BPTF: variants seen among roughly 807,000 people sequenced by gnomAD.
BPTF encodes bromodomain PHD finger transcription factor.
Under a neutral mutation model 292.5 loss-of-function variants are expected in BPTF, and 18 were observed. That is an observed-to-expected ratio of 0.06 (90% CI 0.04 to 0.09). The LOEUF is 0.09. BPTF is among the 10% of genes least tolerant of loss of function. BPTF has a pLI of 1.00. For missense variants in BPTF, 2,726 were observed against 3,498.7 expected (o/e 0.78, Z 5.57); for synonymous variants, 1,225 against 1,251.9 (o/e 0.98, Z 0.45).
intron 2 of BPTF, among the ~76,000 whole-genome samples, chr17:67,863,473 A>G (rs1447022851): frequency 2.0e-5 from 3 of 152,090 alleles, no homozygotes; most frequent in African/African-American, 2.4e-5. Flanking sequence ...TTTAGTAGAG[A>G]TGGGGTTTCA....
At chr17:67,852,494 A>G (rs1015933913) in intron 1 of BPTF, among the ~76,000 whole-genome samples, 1 of 152,062 alleles carries the variant, frequency 6.6e-6, no homozygotes, top group Admixed American at 6.5e-5. Flanking sequence ...TTCAAATGAC[A>G]TTCTATTCAT....
intron 1 of BPTF, among the ~76,000 whole-genome samples, chr17:67,846,594 C>T (rs945300605): frequency 2.6e-5 from 4 of 152,196 alleles, no homozygotes; most frequent in Admixed American, 6.5e-5. Context: ...GCACAATAGG[C>T]ACTTGTTATT....
chr17:67,910,848 A>G (rs2062609987), intron 10 of BPTF, 29 bp from the exon 11 acceptor site: 8 of 1,438,918 alleles, frequency 5.6e-6, no homozygotes, highest in Non-Finnish European at 7.4e-6. Flanking sequence ...AGTAAAAATT[A>G]CATTTATATA....
intron 3 of BPTF, among the ~76,000 whole-genome samples, chr17:67,870,464 G>T (rs1292873323): frequency 6.6e-6 from 1 of 151,984 alleles, no homozygotes; most frequent in Non-Finnish European, 1.5e-5. Flanking sequence ...AATGAATTGA[G>T]CATTCAAATA....
chr17:67,918,658 G>T, intron 11 of BPTF, 56 bp from the exon 12 acceptor site: 1 of 1,492,476 alleles, frequency 6.7e-7, no homozygotes, highest in Non-Finnish European at 9.3e-7. Context: ...ATATGAATGT[G>T]TATGTGTATG....
At chr17:67,899,530 TTTC>T (rs1191455956) in intron 7 of BPTF, among the ~76,000 whole-genome samples, 116 of 147,102 alleles carry the variant, frequency 7.9e-4, no homozygotes, top group African/African-American at 2.8e-3. Context: ...CTGAGTTTTT[TTTC>T]TTTTTTTTTT....
intron 15 of BPTF, 136 bp downstream of exon 15, chr17:67,924,725 A>G (rs2063728232): frequency 1.1e-6 from 1 of 893,140 alleles, no homozygotes; most frequent in South Asian, 1.6e-5. Context: ...TTTTAGCCAA[A>G]TTCATGCACA....
chr17:67,980,984 C>T (rs543265319), intron 27 of BPTF, among the ~76,000 whole-genome samples: 1 of 152,214 alleles, frequency 6.6e-6, no homozygotes, highest in African/African-American at 2.4e-5. Flanking sequence ...ATGGGGAAAC[C>T]CCATCCCTAC....
In BPTF at chr17:67,983,497, G is replaced by A. The variant is rs781869146; in HGVS notation, c.*1209G>A. The A allele has an allele frequency of 6.6e-6, 1 of 152,582 alleles. No individual in the cohort carries two copies. The highest frequency in any genetic ancestry group is 1.5e-5 in the Non-Finnish European group (1 of 68,026). 9.5% of individuals were successfully genotyped at this position (152,582 alleles called of 1,614,324 possible). A position where few individuals can be genotyped will look rare whatever the true frequency, so the allele number is the denominator to read the frequency against. The stretch of plus-strand genomic sequence containing the variant: ...TTTTTTAGATGACCTCATCCTCTGT[G>A]TTATTTGTTGATTGGGTTTGTTTTC... On this transcript the variant is annotated 3_prime_UTR_variant, in exon 28 of 28. Transcript: ENST00000306378.
At position 67,909,626 on chromosome 17, in the gene BPTF, A is replaced by C. The variant is rs1313148106; in HGVS notation, c.2857A>C (p.Lys953Gln). Residue 953 changes from lysine to glutamine, a missense_variant, in exon 10 of 28, where the codon AAA becomes CAA. This residue lies in a region of BPTF where 713 missense variants were observed against 714.9 expected (regional missense o/e 1.00). Transcript: ENST00000306378. ...AAATATGGATGAGTCAGATAAAAGA[A>C]AATGTTCACGAAGTCCAAAAAAAAT... ...DENMDESDKR[K>Q]CSRSPKKIKI... The C allele has an allele frequency of 6.3e-7, 1 of 1,590,374 alleles. No homozygotes were observed. Among genetic ancestry groups the C allele is most frequent in the Admixed American group, 1.8e-5 (1 of 54,460 alleles).
In BPTF at chr17:67,911,153, G is replaced by T. The variant is rs866237695; in HGVS notation, c.3269G>T (p.Gly1090Val). ...EKIKLEGGIK[G>V]IGKTSTNSSK... Reference sequence around the variant, plus strand: ...ATCAAGTTGGAGGGTGGAATTAAGGGTATAGGAAAGACTTCTACAAATTCT... The same window carrying T: ...ATCAAGTTGGAGGGTGGAATTAAGGTTATAGGAAAGACTTCTACAAATTCT... Residue 1090 changes from glycine (G) to valine (V), a missense_variant, in exon 11 of 28, where the codon GGT becomes GTT. By Grantham distance (109) the Gly-to-Val change is moderately radical. Coordinates refer to ENST00000306378, the MANE Select transcript of BPTF (RefSeq NM_182641.4). 6.2e-7 allele frequency: 1 copy of T among 1,613,924 alleles called. No homozygotes were observed. Among genetic ancestry groups the T allele is most frequent in the African/African-American group, 1.3e-5 (1 of 75,034 alleles).
At position 67,912,929 on chromosome 17, in the gene BPTF, A is replaced by G. The variant is rs776118501; in HGVS notation, c.5045A>G (p.Tyr1682Cys). ...ACATCTATGACTGTGAGCAAAGAGT[A>G]TTCCACACGAGACAAAGTGAAACTG... ...LVTSMTVSKE[Y>C]STRDKVKLMK... The change falls in exon 11 of 28, where the codon TAT (tyrosine) becomes TGT (cysteine). Residue 1682 changes from tyrosine (Y) to cysteine (C), a missense_variant. By Grantham distance (194) the Tyr-to-Cys change is radical. Coordinates refer to ENST00000306378, the MANE Select transcript of BPTF (RefSeq NM_182641.4). 6.2e-7 allele frequency: 1 copy of G among 1,614,246 alleles called. No homozygotes were observed. Among genetic ancestry groups the G allele is most frequent in the South Asian group, 1.1e-5 (1 of 91,088 alleles).
chr17:67,909,162 A>G (rs1386686418), intron 9 of BPTF, among the ~76,000 whole-genome samples: 1 of 147,076 alleles, frequency 6.8e-6, no homozygotes, highest in Non-Finnish European at 1.5e-5. Context: ...CTTGTAGCTG[A>G]CTATGTTACT....
chr17:67,911,153 G>A lies in BPTF; in HGVS notation c.3269G>A (p.Gly1090Asp). 4 of 1,613,924 alleles carry A rather than the reference G, an allele frequency of 2.5e-6. No individual in the cohort carries two copies. Among genetic ancestry groups the A allele is most frequent in the Non-Finnish European group, 3.4e-6 (4 of 1,179,978 alleles). The part of the protein sequence containing the change: ...EKIKLEGGIK[G>D]IGKTSTNSSK... ...ATCAAGTTGGAGGGTGGAATTAAGG[G>A]TATAGGAAAGACTTCTACAAATTCT... The change falls in exon 11 of 28, where the codon GGT becomes GAT. Residue 1090 changes from glycine to aspartate, a missense_variant. By Grantham distance (94) the Gly-to-Asp change is moderately conservative (BLOSUM62 -1). Transcript: ENST00000306378.
At chr17:67,849,573 C>G (rs2058256152) in intron 1 of BPTF, among the ~76,000 whole-genome samples, 1 of 152,036 alleles carries the variant, frequency 6.6e-6, no homozygotes, top group Non-Finnish European at 1.5e-5. Flanking sequence ...GGAAAATAAC[C>G]TATCAGGATA....
chr17:67,894,151 T>G lies in BPTF; in HGVS notation c.2529T>G (p.Ser843=). 6.2e-7 allele frequency: 1 copy of G among 1,614,048 alleles called. No homozygotes were observed. Among genetic ancestry groups the G allele is most frequent in the Admixed American group, 1.7e-5 (1 of 60,024 alleles). ...TGATGCTACCAATATGGCGAGAATC[T>G]TTAGGACATACCAGGTAAATGAATT... The part of the protein sequence containing the change: ...PVVMLPIWRE[S]LGHTRLHRMT... The change falls in exon 7 of 28, where the codon TCT becomes TCG. Residue 843 remains serine, a synonymous_variant. Coordinates refer to ENST00000306378, the MANE Select transcript of BPTF (RefSeq NM_182641.4).
At position 67,946,181 on chromosome 17, in the gene BPTF, A is replaced by G. The variant is rs942151049; in HGVS notation, c.7473A>G (p.Thr2491=). ...VQTHQIQNVV[T]VQAASVQEQL... ...CTCACCAGATTCAGAATGTGGTTAC[A>G]GTGCAGGCAGCCAGTGTGCAAGAGC... The change falls in exon 21 of 28, where the codon ACA becomes ACG. Residue 2491 remains threonine (T), a synonymous_variant. Coordinates refer to ENST00000306378, the MANE Select transcript of BPTF (RefSeq NM_182641.4). 1.2e-6 allele frequency: 2 copies of G among 1,614,252 alleles called. No individual in the cohort carries two copies. Among genetic ancestry groups the G allele is most frequent in the Admixed American group, 1.7e-5 (1 of 60,032 alleles).
At chr17:67,871,568 T>C (rs1384042502) in intron 3 of BPTF, among the ~76,000 whole-genome samples, 4 of 152,176 alleles carry the variant, frequency 2.6e-5, no homozygotes, top group African/African-American at 7.2e-5. Context: ...GTATGGTAAT[T>C]ATGAAATGCT....
chr17:67,870,609 G>A (rs903113943), intron 3 of BPTF, among the ~76,000 whole-genome samples: 1 of 151,972 alleles, frequency 6.6e-6, no homozygotes, highest in Non-Finnish European at 1.5e-5. Context: ...ATCTAATCAT[G>A]TTCTTTAACT....
Sources: allele counts gnomAD v4.1 joint callset (sites outside exome capture counted in the v4.1 genomes callset), GRCh38; gene constraint gnomAD v4.1.1; regional missense constraint gnomAD v4.1.1; transcripts MANE v1.5; gene names NCBI Gene and HGNC (gene_info 2026-07-23, HGNC 2026-07-21).